The following ATRNL1 variants were observed in gnomAD, a reference collection of about 807,000 sequenced individuals.
The protein encoded by ATRNL1 is attractin like 1, also known as attractin-like protein 1.
Under a neutral mutation model 182.7 loss-of-function variants are expected in ATRNL1, and 95 were observed. The ratio of observed to expected loss-of-function variants is 0.52; its 90% CI spans 0.44 to 0.62. The LOEUF (loss-of-function observed/expected upper bound fraction) is 0.62. ATRNL1 is among the 20% of genes least tolerant of loss of function. The pLI is 0.00. For synonymous variants in ATRNL1, 576 were observed against 568.3 expected (o/e 1.01, Z -0.19); for missense variants, 1,471 against 1,679.5 (o/e 0.88, Z 2.17).
chr10:115,667,020 G>A (rs1199593033), intron 26 of ATRNL1, among the ~76,000 whole-genome samples: 1 of 152,070 alleles, frequency 6.6e-6, no homozygotes, highest in Non-Finnish European at 1.5e-5. Flanking sequence ...GACTATAGAT[G>A]AATAGCACAG....
intron 28 of ATRNL1, among the ~76,000 whole-genome samples, chr10:115,867,770 C>T (rs1951473109): frequency 6.7e-6 from 1 of 148,194 alleles, no homozygotes; most frequent in South Asian, 2.1e-4. Flanking sequence ...CAAAGTCTCA[C>T]TCTGTCGCCC....
chr10:115,128,001 G>A (rs1182378650), intron 4 of ATRNL1, among the ~76,000 whole-genome samples: 10 of 152,152 alleles, frequency 6.6e-5, no homozygotes, highest in African/African-American at 2.2e-4. Context: ...TAGCTTTACT[G>A]GTAGCAACAG....
chr10:115,348,441 T>C lies in ATRNL1; in HGVS notation c.3175+14022T>C, dbSNP rs373612516. On this transcript the variant is annotated intron_variant, in intron 19 of 28. Transcript: ENST00000355044. ...ATTATTGTGATATTATTATTACTATTCATAACATCAATAAGTTTAGTATTT... is the reference window on the plus strand; with the variant it reads ...ATTATTGTGATATTATTATTACTATCCATAACATCAATAAGTTTAGTATTT... 1.4e-4 allele frequency among the ~76,000 whole-genome samples: 21 copies of C among 152,322 alleles called. 1 individual carries two copies. In the East Asian group the frequency reaches 2.1e-3, roughly 15 times the overall value.
At chr10:115,219,592 G>T (rs1554896962) in intron 9 of ATRNL1, among the ~76,000 whole-genome samples, 1 of 152,156 alleles carries the variant, frequency 6.6e-6, no homozygotes, top group Non-Finnish European at 1.5e-5. Context: ...CAGCTGTTGT[G>T]TTGGTTGTCA....
intron 5 of ATRNL1, among the ~76,000 whole-genome samples, chr10:115,145,936 A>T (rs1443304864): frequency 1.3e-5 from 2 of 152,062 alleles, no homozygotes; most frequent in African/African-American, 4.8e-5. Flanking sequence ...GAATTTCTAC[A>T]TATTTTTTCA....
At chr10:115,106,582 G>A (rs1312184891) in intron 1 of ATRNL1, among the ~76,000 whole-genome samples, 1 of 152,200 alleles carries the variant, frequency 6.6e-6, no homozygotes. Context: ...GAATTACCCA[G>A]CGGGAGGTAA....
intron 26 of ATRNL1, among the ~76,000 whole-genome samples, chr10:115,699,111 G>A (rs1396821943): frequency 1.3e-5 from 2 of 151,748 alleles, no homozygotes; most frequent in African/African-American, 2.4e-5. Flanking sequence ...TTGTTGAGAG[G>A]GATTAATGAT....
intron 26 of ATRNL1, among the ~76,000 whole-genome samples, chr10:115,659,232 A>G (rs545145712): frequency 2.0e-5 from 3 of 152,164 alleles, no homozygotes; most frequent in African/African-American, 7.2e-5. Flanking sequence ...ACAACCCAAT[A>G]TAGTTTCCCT....
At chr10:115,217,088 A>G (rs1466403577) in intron 9 of ATRNL1, among the ~76,000 whole-genome samples, 1 of 151,922 alleles carries the variant, frequency 6.6e-6, no homozygotes, top group African/African-American at 2.4e-5. Flanking sequence ...TATTTAATTT[A>G]ATTTAATTTA....
intron 25 of ATRNL1, among the ~76,000 whole-genome samples, chr10:115,544,783 G>C (rs1852551325): frequency 6.6e-6 from 1 of 152,172 alleles, no homozygotes; most frequent in African/African-American, 2.4e-5. Flanking sequence ...AAATTCAGAT[G>C]ATGGAAATTC....
At chr10:115,268,970 T>C (rs1851724059) in intron 13 of ATRNL1, among the ~76,000 whole-genome samples, 1 of 152,208 alleles carries the variant, frequency 6.6e-6, no homozygotes, top group Non-Finnish European at 1.5e-5. Flanking sequence ...AGAGACATTT[T>C]GGTTGTCACA....
In ATRNL1 at chr10:115,469,157, T is replaced by A; in HGVS notation, c.3497-15T>A. ...TATTTCCTAATATTAATTATTTAAA[T>A]TATTTACATTTTAGCTGGAACAATA... On this transcript the variant is annotated splice_polypyrimidine_tract_variant and intron_variant, in intron 23 of 28. Transcript: ENST00000355044. 2 of 1,045,400 alleles carry A rather than the reference T, an allele frequency of 1.9e-6. No individual in the cohort carries two copies. Among genetic ancestry groups the A allele is most frequent in the African/African-American group, 3.3e-5 (2 of 60,238 alleles). The allele number at this position is 1,045,400 out of a possible 1,614,324, so 64.8% of individuals were successfully genotyped here. A position where few individuals can be genotyped will look rare whatever the true frequency, so the allele number is the denominator to read the frequency against.
chr10:115,203,874 GGAAT>G (rs1189450174), intron 8 of ATRNL1, among the ~76,000 whole-genome samples: 2 of 150,828 alleles, frequency 1.3e-5, no homozygotes, highest in Non-Finnish European at 2.9e-5. Context: ...TGGGATTACA[GGAAT>G]GAGCCACCGC....
chr10:115,363,174 C>T (rs1261370459), intron 19 of ATRNL1, among the ~76,000 whole-genome samples: 1 of 149,844 alleles, frequency 6.7e-6, no homozygotes, highest in Non-Finnish European at 1.5e-5. Context: ...ACATCCTCTC[C>T]AGCACCTGTT....
At chr10:115,203,116 G>A (rs11197115) in intron 8 of ATRNL1, among the ~76,000 whole-genome samples, 31,870 of 152,106 alleles carry the variant, frequency 0.21, 4,275 homozygotes, top group Non-Finnish European at 0.3. Context: ...AGTATGAAAT[G>A]ATTGTATTTT....
intron 13 of ATRNL1, among the ~76,000 whole-genome samples, chr10:115,279,970 A>T (rs1257450737): frequency 6.6e-6 from 1 of 152,210 alleles, no homozygotes; most frequent in Non-Finnish European, 1.5e-5. Flanking sequence ...ACAGTAGAGA[A>T]GCACTAGTAA....
intron 21 of ATRNL1, among the ~76,000 whole-genome samples, chr10:115,437,287 G>A (rs1379769354): frequency 8.6e-5 from 13 of 152,042 alleles, no homozygotes; most frequent in Non-Finnish European, 1.9e-4. Context: ...TATAGAACAT[G>A]TAAGATACGG....
intron 3 of ATRNL1, among the ~76,000 whole-genome samples, chr10:115,125,076 A>G (rs993575477): frequency 1.3e-5 from 2 of 152,186 alleles, no homozygotes; most frequent in Non-Finnish European, 2.9e-5. Context: ...AAAGAGCATT[A>G]TATTTTAGGG....
rs574641286 is a variant in ATRNL1, at chr10:115,501,990, GAAGACAAC to G, written c.3655-17270_3655-17263del. Among the ~76,000 whole-genome samples, 960 of 152,154 alleles carry G rather than the reference GAAGACAAC, an allele frequency of 6.3e-3. 7 individuals are homozygous for G. Among genetic ancestry groups the G allele is most frequent in the Non-Finnish European group, 0.011 (718 of 67,958 alleles). Reference sequence around the variant, plus strand: ...AACCCCCTTCTAAAGAGGACTAAAAGAAGACAACAATTGTCCTTGGATTACAAAAGTTT... The same window carrying G: ...AACCCCCTTCTAAAGAGGACTAAAAGAATTGTCCTTGGATTACAAAAGTTT... On this transcript the variant is annotated intron_variant, in intron 24 of 28. Transcript: ENST00000355044.
Sources: gnomAD v4.1 joint callset for allele counts (sites outside exome capture counted in the v4.1 genomes callset) on GRCh38, gnomAD v4.1.1 for gene constraint, MANE v1.5 for transcripts, NCBI Gene and HGNC (gene_info 2026-07-23, HGNC 2026-07-21) for gene names.